Variants in DERA observed in about 807,000 individuals in gnomAD.
DERA encodes deoxyribose-phosphate aldolase, also known as 2-deoxy-D-ribose 5-phosphate aldolase.
DERA carries 15 observed loss-of-function variants against 41.1 expected under a neutral mutation model. That is an observed-to-expected ratio of 0.37 (90% CI 0.24 to 0.56). The LOEUF (loss-of-function observed/expected upper bound fraction) is 0.56, where lower values mean the gene tolerates loss of function less well. Among genes scored for constraint, DERA ranks in the 20% least tolerant of loss-of-function variants. DERA has a pLI of 0.81. For synonymous variants in DERA, 139 were observed against 137.4 expected, an observed-to-expected ratio of 1.01 and a Z score of -0.08; for missense variants, 396 against 403.4, an observed-to-expected ratio of 0.98 and a Z score of 0.16.
At chr12:15,974,310 T>C (rs1948683461) in intron 5 of DERA, among the ~76,000 whole-genome samples, 1 of 152,232 alleles carries the variant, frequency 6.6e-6, no homozygotes, top group African/African-American at 2.4e-5. Context: ...TAGTGTTCTT[T>C]ATTAGGTGTA....
chr12:15,986,097 G>T (rs559570976), intron 6 of DERA, among the ~76,000 whole-genome samples: 1 of 152,010 alleles, frequency 6.6e-6, no homozygotes, highest in East Asian at 1.9e-4. Context: ...ATTATGAAAC[G>T]TCCCTTTTTA....
chr12:15,914,276 G>A (rs1948183878), intron 1 of DERA, among the ~76,000 whole-genome samples: 1 of 152,148 alleles, frequency 6.6e-6, no homozygotes, highest in Admixed American at 6.6e-5. Flanking sequence ...CAGCTACTTG[G>A]GAAGCTGAGG....
intron 1 of DERA, among the ~76,000 whole-genome samples, chr12:15,950,299 C>A (rs1006207367): frequency 2.9e-4 from 44 of 152,164 alleles, no homozygotes; most frequent in African/African-American, 1.0e-3. Context: ...TTATTTGTGC[C>A]TCCCCTTTTT....
Position 16,027,393 on chromosome 12 carries a change from G to A in DERA, c.638-5149G>A, listed in dbSNP as rs187461048. On this transcript the variant is annotated intron_variant, in intron 6 of 8. Coordinates refer to ENST00000428559, the MANE Select transcript of DERA (RefSeq NM_015954.4). ...ATCCTAATCCCTGGAACCTGTGAAT[G>A]TTACCCTCTTTGGGAAAAAGAGCTG... 2.6e-5 allele frequency among the ~76,000 whole-genome samples: 4 copies of A among 152,330 alleles called. No homozygotes were observed. The East Asian group carries it at 7.7e-4, about 29-fold the overall frequency.
chr12:15,936,847 T>A lies in DERA; in HGVS notation c.32-20089T>A, dbSNP rs1948367612. Reference sequence around the variant, plus strand: ...TAACTTATTTCTGCATCTTCTGTCTTGTGTTGTCTTGTCTTGTCTTGTCTT... The same window carrying A: ...TAACTTATTTCTGCATCTTCTGTCTAGTGTTGTCTTGTCTTGTCTTGTCTT... On this transcript the variant is annotated intron_variant, in intron 1 of 8. Transcript: ENST00000428559. The surrounding 1 kb of genome is among the most constrained non-coding windows in gnomAD (Gnocchi z 4.6). Among the ~76,000 whole-genome samples, 1 of 135,918 alleles carries A rather than the reference T, an allele frequency of 7.4e-6. No homozygotes were observed. Among genetic ancestry groups the A allele is most frequent in the Non-Finnish European group, 1.6e-5 (1 of 63,994 alleles). The allele number at this position is 135,918 out of a possible 152,430, so 89.2% of individuals were successfully genotyped here.
rs1253478783 is a variant in DERA at position 15,976,943 on chromosome 12, AG to A, written c.509-5360del. On this transcript the variant is annotated intron_variant, in intron 5 of 8. Transcript: ENST00000428559. This position sits in a 1 kb window ranked among gnomAD's most constrained non-coding sequence, Gnocchi z 4.1. Reference sequence around the variant, plus strand: ...CCATACCCTGGTTTTCTTCCCATCCAGGGGGCTAAAAGAGCAATTTAGAGAT... The same window carrying A: ...CCATACCCTGGTTTTCTTCCCATCCAGGGGCTAAAAGAGCAATTTAGAGAT... Among the ~76,000 whole-genome samples the A allele has an allele frequency of 2.0e-5, 3 of 152,178 alleles. No homozygotes were observed. Among genetic ancestry groups the A allele is most frequent in the Admixed American group, 6.5e-5 (1 of 15,284 alleles).
rs1451109345 is a variant in DERA, at chr12:15,965,862, C to T, written c.508+2915C>T. On this transcript the variant is annotated intron_variant, in intron 5 of 8. Coordinates refer to ENST00000428559, the MANE Select transcript of DERA (RefSeq NM_015954.4). This position sits in a 1 kb window ranked among gnomAD's most constrained non-coding sequence, Gnocchi z 4.1. ...CTCCTTCCTCCTAAATTCCTTCCCTCGACTGTGCTGTGGCTCTCATCTCCC... is the reference window on the plus strand; with the variant it reads ...CTCCTTCCTCCTAAATTCCTTCCCTTGACTGTGCTGTGGCTCTCATCTCCC... Among the ~76,000 whole-genome samples the T allele has an allele frequency of 2.0e-5, 3 of 152,126 alleles. No individual in the cohort carries two copies. Among genetic ancestry groups the T allele is most frequent in the African/African-American group, 7.2e-5 (3 of 41,420 alleles).
chr12:16,011,722 A>G lies in DERA; in HGVS notation c.638-20820A>G, dbSNP rs1948948030. 2.0e-5 allele frequency among the ~76,000 whole-genome samples: 3 copies of G among 152,188 alleles called. No homozygotes were observed. Among genetic ancestry groups the G allele is most frequent in the Non-Finnish European group, 4.4e-5 (3 of 68,026 alleles). On this transcript the variant is annotated intron_variant, in intron 6 of 8. Transcript: ENST00000428559. This position sits in a 1 kb window ranked among gnomAD's most constrained non-coding sequence, Gnocchi z 4.7. ...TAGGAACTGGCCAAGAAGGAAAAAT[A>G]TTTTGATTTTGAGGCATTTGGCATG...
intron 1 of DERA, among the ~76,000 whole-genome samples, chr12:15,933,182 C>A (rs1367006761): frequency 6.6e-6 from 1 of 152,154 alleles, no homozygotes; most frequent in African/African-American, 2.4e-5. Flanking sequence ...TGGATATATA[C>A]CCGGTAGTGG....
chr12:16,032,529 C>G lies in DERA; in HGVS notation c.638-13C>G, dbSNP rs756743931. 2 of 1,382,514 alleles carry G rather than the reference C, an allele frequency of 1.4e-6. No individual in the cohort carries two copies. Among genetic ancestry groups the G allele is most frequent in the Middle Eastern group, 1.8e-4 (1 of 5,416 alleles). The allele number at this position is 1,382,514 out of a possible 1,614,324, so 85.6% of individuals were successfully genotyped here. ...CTTTAATTAACATGGAGTTTTTCCTCTTTTTGTTTTAGGATCAGATTTTAT... is the reference window on the plus strand; with the variant it reads ...CTTTAATTAACATGGAGTTTTTCCTGTTTTTGTTTTAGGATCAGATTTTAT... On this transcript the variant is annotated splice_polypyrimidine_tract_variant and intron_variant, in intron 6 of 8. Coordinates refer to ENST00000428559, the MANE Select transcript of DERA (RefSeq NM_015954.4).
Position 15,981,165 on chromosome 12 carries a change from G to A in DERA, c.509-1143G>A, listed in dbSNP as rs538417623. Among the ~76,000 whole-genome samples, 17 of 152,044 alleles carry A rather than the reference G, an allele frequency of 1.1e-4. No homozygotes were observed. Among genetic ancestry groups the A allele is most frequent in the African/African-American group, 1.7e-4 (7 of 41,398 alleles). On this transcript the variant is annotated intron_variant, in intron 5 of 8. Coordinates refer to ENST00000428559, the MANE Select transcript of DERA (RefSeq NM_015954.4). This position sits in a 1 kb window ranked among gnomAD's most constrained non-coding sequence, Gnocchi z 6.1. ...AGATCGAGACCATCCTGGTTAACAC[G>A]GTGAAACCCCGTCTCTACTAAAACT...
In DERA at chr12:16,021,915, G is replaced by C. The variant is rs1259642713; in HGVS notation, c.638-10627G>C. 6.6e-6 allele frequency among the ~76,000 whole-genome samples: 1 copy of C among 152,192 alleles called. No homozygotes were observed. The highest frequency in any genetic ancestry group is 1.9e-4 in the East Asian group (1 of 5,198). On this transcript the variant is annotated intron_variant, in intron 6 of 8. Transcript: ENST00000428559. The surrounding 1 kb of genome is among the most constrained non-coding windows in gnomAD (Gnocchi z 5.3). ...GACAGGTGGAAGGAACTCATCTCCA[G>C]ATAAGACTTTGGACTTTAGACTTTG...
rs573162620 is a variant in DERA, at chr12:15,976,835, A to C, written c.509-5473A>C. On this transcript the variant is annotated intron_variant, in intron 5 of 8. Coordinates refer to ENST00000428559, the MANE Select transcript of DERA (RefSeq NM_015954.4). The surrounding 1 kb of genome is among the most constrained non-coding windows in gnomAD (Gnocchi z 4.1). ...AAAATGAAGCTTGGAGAGGTTCAGT[A>C]ACTTTCCCAAGTAACACCACTAATC... is the stretch of plus-strand genomic sequence containing the variant. Among the ~76,000 whole-genome samples, 1 of 152,298 alleles carries C rather than the reference A, an allele frequency of 6.6e-6. No individual in the cohort carries two copies. The highest frequency in any genetic ancestry group is 1.5e-5 in the Non-Finnish European group (1 of 68,026).
chr12:15,944,377 C>T (rs150356035), intron 1 of DERA, among the ~76,000 whole-genome samples: 2,258 of 152,284 alleles, frequency 0.015, 53 homozygotes, highest in African/African-American at 0.052. Context: ...TCTCCACATC[C>T]TCTCCAGCAC....
chr12:15,944,271 A>G (rs752908089), intron 1 of DERA, among the ~76,000 whole-genome samples: 5 of 152,148 alleles, frequency 3.3e-5, no homozygotes, highest in African/African-American at 9.7e-5. Flanking sequence ...ATTAAATGGT[A>G]TTTCTAGTTC....
intron 5 of DERA, among the ~76,000 whole-genome samples, chr12:15,978,171 A>T (rs1266824809): frequency 6.6e-6 from 1 of 152,196 alleles, no homozygotes; most frequent in African/African-American, 2.4e-5. Flanking sequence ...TTTGATTAGC[A>T]TATGTCATTC....
intron 5 of DERA, among the ~76,000 whole-genome samples, chr12:15,979,964 T>C (rs1326985438): frequency 6.6e-6 from 1 of 152,240 alleles, no homozygotes; most frequent in African/African-American, 2.4e-5. Flanking sequence ...AAGTTCACTT[T>C]AACAACTGCT....
chr12:15,971,709 G>T (rs1391563458), intron 5 of DERA, among the ~76,000 whole-genome samples: 1 of 151,890 alleles, frequency 6.6e-6, no homozygotes. Flanking sequence ...ATAGAGATGG[G>T]GTTTCACCAT....
chr12:15,944,757 G>T (rs1172753100), intron 1 of DERA, among the ~76,000 whole-genome samples: 2 of 152,022 alleles, frequency 1.3e-5, no homozygotes, highest in Admixed American at 6.6e-5. Flanking sequence ...GTCAATTTTG[G>T]CTTTTGTTGC....
Sources: allele counts gnomAD v4.1 joint callset (sites outside exome capture counted in the v4.1 genomes callset), GRCh38; gene constraint gnomAD v4.1.1; non-coding constraint Gnocchi (gnomAD v3.1); transcripts MANE v1.5; gene names NCBI Gene and HGNC (gene_info 2026-07-23, HGNC 2026-07-21).